The following ZNF460 variants were observed in gnomAD, a reference collection of about 807,000 sequenced individuals.
The protein encoded by ZNF460 is zinc finger protein 460.
In ZNF460, 1 loss-of-function variant was observed where a neutral mutation model predicts 8.4. That is an observed-to-expected ratio of 0.12 (90% CI 0.04 to 0.56). The LOEUF (loss-of-function observed/expected upper bound fraction) is 0.56, where lower values mean the gene tolerates loss of function less well. Among genes scored for constraint, ZNF460 ranks in the 20% least tolerant of loss-of-function variants. The pLI is 0.91. For missense variants in ZNF460, 477 were observed against 714.8 expected (o/e 0.67, Z 3.79); for synonymous variants, 262 against 259.9 (o/e 1.01, Z -0.08).
rs1263770470 is a variant in ZNF460 at position 57,280,577 on chromosome 19, T to G, written c.-230T>G. 1 of 597,474 alleles carries G rather than the reference T, an allele frequency of 1.7e-6. No homozygotes were observed. Among genetic ancestry groups the G allele is most frequent in the Non-Finnish European group, 2.9e-6 (1 of 339,020 alleles). 37.0% of individuals were successfully genotyped at this position (597,474 alleles called of 1,614,324 possible). A position where few individuals can be genotyped will look rare whatever the true frequency, so the allele number is the denominator to read the frequency against. Reference sequence around the variant, plus strand: ...GCGGTTACGCCCCTTCTTCGCGTCTTGGCGGGAGCCTGACGCCCCGCTTCT... The same window carrying G: ...GCGGTTACGCCCCTTCTTCGCGTCTGGGCGGGAGCCTGACGCCCCGCTTCT... On this transcript the variant is annotated 5_prime_UTR_variant, in exon 1 of 3. Transcript: ENST00000360338.
intron 1 of ZNF460, 48 bp from the exon 2 acceptor site, chr19:57,284,503 A>G (rs778975338): frequency 6.9e-5 from 110 of 1,596,374 alleles, no homozygotes; most frequent in South Asian, 5.6e-5. Context: ...TTCTAATCCT[A>G]TTCCACAGTT....
rs762448539 is a variant in ZNF460 at position 57,291,153 on chromosome 19, C to T, written c.612C>T (p.Ala204=). The T allele has an allele frequency of 1.3e-5, 21 of 1,614,192 alleles. No homozygotes were observed. Among genetic ancestry groups the T allele is most frequent in the Middle Eastern group, 1.6e-4 (1 of 6,062 alleles). The part of the protein sequence containing the change: ...KPYDCPECGK[A]FGKSKHLLQH... ...ATGATTGCCCAGAATGTGGGAAAGC[C>T]TTCGGCAAGAGCAAACACCTCCTTC... Residue 204 remains alanine (A), a synonymous_variant, in exon 3 of 3, where the codon GCC becomes GCT. Coordinates refer to ENST00000360338, the MANE Select transcript of ZNF460 (RefSeq NM_006635.4). This position sits in a 1 kb window ranked among gnomAD's most constrained non-coding sequence, Gnocchi z 8.4.
Position 57,284,544 on chromosome 19 carries a change from T to G in ZNF460, c.31-7T>G. 6.2e-7 allele frequency: 1 copy of G among 1,609,706 alleles called. No homozygotes were observed. ...GGAAACATTACTGGTTCTTTTTGAC[T>G]TTTCAGGAGTCTGTGACCTTCGAGG... is the stretch of plus-strand genomic sequence containing the variant. On this transcript the variant is annotated splice_region_variant and splice_polypyrimidine_tract_variant and intron_variant, in intron 1 of 2. Transcript: ENST00000360338.
chr19:57,282,229 C>T (rs999054145), intron 1 of ZNF460, among the ~76,000 whole-genome samples: 3 of 152,188 alleles, frequency 2.0e-5, no homozygotes, highest in Admixed American at 6.5e-5. Context: ...ACTCCCTTAC[C>T]TGCTGACATA....
At chr19:57,289,955 A>G (rs2087904881) in intron 2 of ZNF460, among the ~76,000 whole-genome samples, 1 of 152,014 alleles carries the variant, frequency 6.6e-6, no homozygotes, top group South Asian at 2.1e-4. Flanking sequence ...AGTCTGGCCA[A>G]CATGGTGAGA....
At chr19:57,289,864 G>C (rs915446504) in intron 2 of ZNF460, among the ~76,000 whole-genome samples, 1 of 152,036 alleles carries the variant, frequency 6.6e-6, no homozygotes, top group African/African-American at 2.4e-5. Flanking sequence ...AATTTAGCCA[G>C]GCGGGGTGGC....
At chr19:57,283,792 G>A (rs1011050352) in intron 1 of ZNF460, among the ~76,000 whole-genome samples, 9 of 152,164 alleles carry the variant, frequency 5.9e-5, no homozygotes, top group African/African-American at 2.2e-4. Flanking sequence ...ATGAACCACC[G>A]TGCCCAGCCT....
intron 1 of ZNF460, among the ~76,000 whole-genome samples, chr19:57,284,294 C>T (rs1600023422): frequency 1.3e-5 from 2 of 151,414 alleles, no homozygotes; most frequent in South Asian, 4.2e-4. Context: ...GGCACGATCT[C>T]AGCTCACTGC....
At chr19:57,280,378 T>C, upstream of ZNF460, 1 of 190,046 alleles carries the variant, frequency 5.3e-6, no homozygotes, top group Non-Finnish European at 1.1e-5. Flanking sequence ...CCGCGGACTC[T>C]GGGCCATTGA....
chr19:57,294,019 G>A lies in ZNF460; in HGVS notation c.*1789G>A, dbSNP rs1179961456. On this transcript the variant is annotated 3_prime_UTR_variant, in exon 3 of 3. Coordinates refer to ENST00000360338, the MANE Select transcript of ZNF460 (RefSeq NM_006635.4). Reference sequence around the variant, plus strand: ...AATGGACACTTAGACTGATTTCTTAGCTATTATGAATAGTGCTTCAATAAA... The same window carrying A: ...AATGGACACTTAGACTGATTTCTTAACTATTATGAATAGTGCTTCAATAAA... 2.0e-5 allele frequency: 3 copies of A among 151,998 alleles called. No individual in the cohort carries two copies. The highest frequency in any genetic ancestry group is 6.6e-5 in the Admixed American group (1 of 15,266). The allele number at this position is 151,998 out of a possible 1,614,324, so 9.4% of individuals were successfully genotyped here.
intron 1 of ZNF460, among the ~76,000 whole-genome samples, chr19:57,282,987 TAA>T (rs550453875): frequency 3.0e-5 from 4 of 134,130 alleles, no homozygotes; most frequent in Non-Finnish European, 3.2e-5. Flanking sequence ...TGAGACCATC[TAA>T]AAAAAAAAAA....
rs1193048886 is a variant in ZNF460, at chr19:57,291,440, A to G, written c.899A>G (p.Lys300Arg). Residue 300 changes from lysine to arginine, a missense_variant, in exon 3 of 3, where the codon AAG becomes AGG. Physicochemically the swap from Lys to Arg is conservative, Grantham distance 26. This residue lies in a region of ZNF460 where 193 missense variants were observed against 391.7 expected (regional missense o/e 0.49). Coordinates refer to ENST00000360338, the MANE Select transcript of ZNF460 (RefSeq NM_006635.4). The surrounding 1 kb of genome is among the most constrained non-coding windows in gnomAD (Gnocchi z 8.4). ...CGCTCCAATTTTGTCTTGCATAACAAGAGCCACAATGAGAAGAAACCCTTC... is the reference window on the plus strand; with the variant it reads ...CGCTCCAATTTTGTCTTGCATAACAGGAGCCACAATGAGAAGAAACCCTTC... ...TYRSNFVLHN[K>R]SHNEKKPFAC... The G allele has an allele frequency of 4.3e-6, 7 of 1,614,012 alleles. No homozygotes were observed. Among genetic ancestry groups the G allele is most frequent in the Middle Eastern group, 1.6e-4 (1 of 6,062 alleles).
At chr19:57,288,947 C>T (rs977730171) in intron 2 of ZNF460, among the ~76,000 whole-genome samples, 1 of 149,504 alleles carries the variant, frequency 6.7e-6, no homozygotes, top group Admixed American at 6.6e-5. Context: ...AGGCTGGTCT[C>T]GAACTCCTGG....
rs201139583 is a variant in ZNF460 at position 57,292,029 on chromosome 19, G to A, written c.1488G>A (p.Arg496=). ...NRRSPLTRHQ[R]IHTAEKSHEP... The stretch of plus-strand genomic sequence containing the variant: ...GGTCACCCCTCACAAGGCACCAGCG[G>A]ATTCACACTGCAGAGAAGTCCCACG... The change falls in exon 3 of 3, where the codon CGG becomes CGA. Residue 496 remains arginine (R), a synonymous_variant. Coordinates refer to ENST00000360338, the MANE Select transcript of ZNF460 (RefSeq NM_006635.4). The A allele has an allele frequency of 1.9e-6, 3 of 1,614,220 alleles. No individual in the cohort carries two copies. The highest frequency in any genetic ancestry group is 2.5e-6 in the Non-Finnish European group (3 of 1,180,046).
At chr19:57,280,969 G>C (rs1337893076) in intron 1 of ZNF460, 133 bp downstream of exon 1, 3 of 1,336,352 alleles carry the variant, frequency 2.2e-6, no homozygotes, top group Non-Finnish European at 3.1e-6. Context: ...GCCGTGGCTT[G>C]TCATTTCCTT....
At chr19:57,284,813 A>ATTTTT in intron 2 of ZNF460, 136 bp downstream of exon 2, 21 of 633,506 alleles carry the variant, frequency 3.3e-5, no homozygotes, top group Non-Finnish European at 3.6e-5. Flanking sequence ...GCTTTACTCT[A>ATTTTT]TTTTTTTTTT....
chr19:57,288,159 G>A (rs541064039), intron 2 of ZNF460, among the ~76,000 whole-genome samples: 88 of 152,062 alleles, frequency 5.8e-4, no homozygotes, highest in African/African-American at 1.8e-3. Context: ...ACAATTTACC[G>A]ATCTCTTATG....
At chr19:57,289,514 C>T (rs909186389) in intron 2 of ZNF460, among the ~76,000 whole-genome samples, 1 of 152,178 alleles carries the variant, frequency 6.6e-6, no homozygotes, top group African/African-American at 2.4e-5. Flanking sequence ...CTCTTCCTGT[C>T]CCTGCCCCTT....
At chr19:57,289,326 C>A (rs1014485270) in intron 2 of ZNF460, among the ~76,000 whole-genome samples, 1 of 152,072 alleles carries the variant, frequency 6.6e-6, no homozygotes, top group Non-Finnish European at 1.5e-5. Context: ...GCTTCGTCTC[C>A]GCCCCTTCCT....
Sources: gnomAD v4.1 joint callset for allele counts (sites outside exome capture counted in the v4.1 genomes callset) on GRCh38, gnomAD v4.1.1 for gene constraint, gnomAD v4.1.1 regional missense constraint, Gnocchi (gnomAD v3.1) non-coding constraint, MANE v1.5 for transcripts, NCBI Gene and HGNC (gene_info 2026-07-23, HGNC 2026-07-21) for gene names.